PLEKHM3: variants seen among roughly 807,000 people sequenced by gnomAD.
The protein encoded by PLEKHM3 is pleckstrin homology domain containing M3.
PLEKHM3 carries 45 observed loss-of-function variants against 81.8 expected under a neutral mutation model. The ratio of observed to expected loss-of-function variants is 0.55; its 90% CI spans 0.43 to 0.71. PLEKHM3 has a LOEUF of 0.71. PLEKHM3 is among the 30% of genes least tolerant of loss of function. The probability of loss-of-function intolerance (pLI) is 0.00; values close to 1 mark genes in which losing one functional copy is unlikely to be tolerated. For missense variants in PLEKHM3, 788 were observed against 924.3 expected (o/e 0.85, Z 1.91); for synonymous variants, 352 against 356.4 (o/e 0.99, Z 0.14).
intron 1 of PLEKHM3, among the ~76,000 whole-genome samples, chr2:208,014,550 A>T (rs971923039): frequency 6.6e-6 from 1 of 152,238 alleles, no homozygotes; most frequent in Non-Finnish European, 1.5e-5. Flanking sequence ...AGGCTGAGGC[A>T]GGAGAATCAC....
At chr2:207,877,974 C>T (rs1306150099) in intron 6 of PLEKHM3, among the ~76,000 whole-genome samples, 1 of 152,180 alleles carries the variant, frequency 6.6e-6, no homozygotes, top group Non-Finnish European at 1.5e-5. Context: ...CTCCCTCTGT[C>T]ATCCAGGCTG....
chr2:207,870,086 T>C (rs577471898), intron 6 of PLEKHM3, among the ~76,000 whole-genome samples: 1 of 152,266 alleles, frequency 6.6e-6, no homozygotes, highest in East Asian at 1.9e-4. Flanking sequence ...CACCAGGAAA[T>C]TGCAGTGTCA....
At chr2:207,855,289 G>A (rs1325216552) in intron 7 of PLEKHM3, among the ~76,000 whole-genome samples, 2 of 152,094 alleles carry the variant, frequency 1.3e-5, no homozygotes, top group African/African-American at 2.4e-5. Context: ...GGGAACAAAG[G>A]AGCCTACTGA....
intron 4 of PLEKHM3, among the ~76,000 whole-genome samples, chr2:207,943,074 G>C (rs1231597920): frequency 6.6e-6 from 1 of 151,938 alleles, no homozygotes; most frequent in African/African-American, 2.4e-5. Flanking sequence ...TTGGTTAATG[G>C]GTATAAAAAT....
intron 4 of PLEKHM3, among the ~76,000 whole-genome samples, chr2:207,940,174 C>A (rs1689892276): frequency 6.6e-6 from 1 of 152,098 alleles, no homozygotes; most frequent in South Asian, 2.1e-4. Flanking sequence ...AGAGAGCTCA[C>A]CTTTATAGAG....
chr2:207,942,094 T>C (rs1415621541), intron 4 of PLEKHM3, among the ~76,000 whole-genome samples: 7 of 152,194 alleles, frequency 4.6e-5, no homozygotes, highest in Non-Finnish European at 7.3e-5. Context: ...AGAACTAACA[T>C]ATGACCCAGC....
chr2:208,016,875 C>T (rs1044821585), intron 1 of PLEKHM3, among the ~76,000 whole-genome samples: 1 of 152,146 alleles, frequency 6.6e-6, no homozygotes, highest in Non-Finnish European at 1.5e-5. Flanking sequence ...ATTTCAGTTA[C>T]TCCGTATCCA....
At chr2:208,004,002 C>T (rs1692406494) in intron 1 of PLEKHM3, among the ~76,000 whole-genome samples, 1 of 152,112 alleles carries the variant, frequency 6.6e-6, no homozygotes, top group South Asian at 2.1e-4. Flanking sequence ...AGTCTTTACT[C>T]ATGATAAGGT....
Position 207,913,969 on chromosome 2 carries a change from G to A in PLEKHM3, c.1887-5392C>T, listed in dbSNP as rs114000042. ...CACACTCCCCTGACCGCGCGTGTGC[G>A]TGCGCACACGCGCACACACACACCC... is the stretch of plus-strand genomic sequence containing the variant. On this transcript the variant is annotated intron_variant, in intron 5 of 7. Coordinates refer to ENST00000427836, the MANE Select transcript of PLEKHM3 (RefSeq NM_001080475.3). 7.4e-3 allele frequency among the ~76,000 whole-genome samples: 1,123 copies of A among 152,024 alleles called. 6 individuals carry two copies. Among genetic ancestry groups the A allele is most frequent in the Non-Finnish European group, 0.012 (805 of 67,972 alleles).
At chr2:208,003,900 C>T (rs1354391407) in intron 1 of PLEKHM3, among the ~76,000 whole-genome samples, 1 of 152,136 alleles carries the variant, frequency 6.6e-6, no homozygotes, top group Non-Finnish European at 1.5e-5. Context: ...GTACAAGTTT[C>T]CCATTTTATA....
At chr2:207,898,883 A>T (rs2105884525) in intron 6 of PLEKHM3, among the ~76,000 whole-genome samples, 1 of 152,300 alleles carries the variant, frequency 6.6e-6, no homozygotes, top group South Asian at 2.1e-4. Flanking sequence ...CCAGCAGAGT[A>T]AGAACCTGTC....
chr2:207,922,964 C>T (rs544379168), intron 5 of PLEKHM3, among the ~76,000 whole-genome samples: 39 of 152,206 alleles, frequency 2.6e-4, no homozygotes, highest in African/African-American at 9.1e-4. Context: ...GAAGCCAAGT[C>T]AAGTCGAGTC....
At chr2:207,856,073 T>C (rs1405194202) in intron 7 of PLEKHM3, among the ~76,000 whole-genome samples, 3 of 152,188 alleles carry the variant, frequency 2.0e-5, no homozygotes, top group Admixed American at 1.3e-4. Flanking sequence ...AATCTAAAAT[T>C]GTTCCAGTAA....
At chr2:207,927,085 A>C (rs1350177290) in intron 5 of PLEKHM3, among the ~76,000 whole-genome samples, 1 of 152,192 alleles carries the variant, frequency 6.6e-6, no homozygotes. Flanking sequence ...ACGACTAGAT[A>C]AGAACTGGAT....
intron 4 of PLEKHM3, among the ~76,000 whole-genome samples, chr2:207,940,452 A>G (rs910059339): frequency 6.6e-6 from 1 of 152,352 alleles, no homozygotes; most frequent in South Asian, 2.1e-4. Context: ...CTCATTTTAC[A>G]TATGAGGAAA....
At chr2:207,865,801 A>AAAAAAAAAAAAAAAAAT in intron 6 of PLEKHM3, among the ~76,000 whole-genome samples, 2 of 25,290 alleles carry the variant, frequency 7.9e-5, no homozygotes, top group African/African-American at 2.1e-4. Flanking sequence ...AAAAAAAAAA[A>AAAAAAAAAAAAAAAAAT]AGATATATAT....
At chr2:207,908,654 T>A in intron 5 of PLEKHM3, 77 bp from the exon 6 acceptor site, 1 of 1,332,538 alleles carries the variant, frequency 7.5e-7, no homozygotes, top group Non-Finnish European at 1.1e-6. Context: ...TTCAGTCTCA[T>A]TCAAGAATTC....
chr2:207,957,948 A>ATC (rs1690577330), intron 3 of PLEKHM3, among the ~76,000 whole-genome samples: 1 of 152,170 alleles, frequency 6.6e-6, no homozygotes, highest in Non-Finnish European at 1.5e-5. Context: ...CTTAAGGATG[A>ATC]AGGCAAGGAA....
At chr2:207,895,532 T>C (rs1206847520) in intron 6 of PLEKHM3, among the ~76,000 whole-genome samples, 3 of 152,218 alleles carry the variant, frequency 2.0e-5, no homozygotes, top group African/African-American at 7.2e-5. Flanking sequence ...CCTGATTTCC[T>C]TTGTTGTTCA....
Sources: gnomAD v4.1 joint callset for allele counts (sites outside exome capture counted in the v4.1 genomes callset) on GRCh38, gnomAD v4.1.1 for gene constraint, MANE v1.5 for transcripts, NCBI Gene and HGNC (gene_info 2026-07-23, HGNC 2026-07-21) for gene names.